ACTN4: variants seen among roughly 807,000 people sequenced by gnomAD.
ACTN4 encodes alpha-actinin-4.
ACTN4 carries 18 observed loss-of-function variants against 114.2 expected under a neutral mutation model. The observed-to-expected ratio is 0.16, with a 90% CI of 0.11 to 0.23. ACTN4 has a LOEUF of 0.23. Among genes scored for constraint, ACTN4 ranks in the 10% least tolerant of loss-of-function variants. The pLI is 1.00. For synonymous variants in ACTN4, 515 were observed against 506.3 expected, an observed-to-expected ratio of 1.02 and a Z score of -0.23; for missense variants, 722 against 1,262.9, an observed-to-expected ratio of 0.57 and a Z score of 6.49.
Position 38,730,746 on chromosome 19 carries a change from G to T in ACTN4, c.*1314G>T. On this transcript the variant is annotated 3_prime_UTR_variant, in exon 21 of 21. Transcript: ENST00000252699. ...CAGTGAGGGCCAGAGACTAGCCCCAGACAGGTGGATGCCAGAGAGAGTGGC... is the reference window on the plus strand; with the variant it reads ...CAGTGAGGGCCAGAGACTAGCCCCATACAGGTGGATGCCAGAGAGAGTGGC... The T allele has an allele frequency of 7.1e-7, 1 of 1,404,396 alleles. No individual in the cohort carries two copies. The highest frequency in any genetic ancestry group is 9.8e-7 in the Non-Finnish European group (1 of 1,021,912). The allele number at this position is 1,404,396 out of a possible 1,614,324, so 87.0% of individuals were successfully genotyped here. A position where few individuals can be genotyped will look rare whatever the true frequency, so the allele number is the denominator to read the frequency against.
intron 1 of ACTN4, among the ~76,000 whole-genome samples, chr19:38,671,244 A>G (rs781416098): frequency 2.0e-5 from 3 of 152,200 alleles, no homozygotes; most frequent in Non-Finnish European, 4.4e-5. Flanking sequence ...TTGACTCCTC[A>G]AAATTCCTCC....
chr19:38,727,783 G>A lies in ACTN4; in HGVS notation c.2338-163G>A, dbSNP rs578126083. 143 of 683,842 alleles carry A rather than the reference G, an allele frequency of 2.1e-4. 1 individual carries two copies. The highest frequency in any genetic ancestry group is 1.4e-3 in the South Asian group (79 of 56,698). 42.4% of individuals were successfully genotyped at this position (683,842 alleles called of 1,614,324 possible). ...GATGAAAGGGGCCCGTGCCGCCCCC[G>A]ACCCCACGTGTCCCTGGCCATCTCC... On this transcript the variant is annotated intron_variant, in intron 18 of 20. Coordinates refer to ENST00000252699, the MANE Select transcript of ACTN4 (RefSeq NM_004924.6). The surrounding 1 kb of genome is among the most constrained non-coding windows in gnomAD (Gnocchi z 5.4).
chr19:38,719,373 G>A (rs73038932), intron 11 of ACTN4, among the ~76,000 whole-genome samples: 22,776 of 152,270 alleles, frequency 0.15, 2,015 homozygotes, highest in Middle Eastern at 0.36. Context: ...GCATGCGAGT[G>A]TGCAGCTCCA....
intron 6 of ACTN4, among the ~76,000 whole-genome samples, chr19:38,708,474 C>T (rs767568603): frequency 2.6e-5 from 4 of 152,230 alleles, no homozygotes; most frequent in Admixed American, 6.5e-5. Context: ...TGCTTTATAA[C>T]TCCCCTTCCT....
chr19:38,727,634 C>CA lies in ACTN4; in HGVS notation c.2338-312_2338-311insA, dbSNP rs1568750465. On this transcript the variant is annotated intron_variant, in intron 18 of 20. Coordinates refer to ENST00000252699, the MANE Select transcript of ACTN4 (RefSeq NM_004924.6). This position sits in a 1 kb window ranked among gnomAD's most constrained non-coding sequence, Gnocchi z 5.4. Reference sequence around the variant, plus strand: ...ATCCCAAAGGCAAGGAGAACCCCCCCCCCGACCCTCCACCAGTCCTGGGAC... The same window carrying CA: ...ATCCCAAAGGCAAGGAGAACCCCCCCACCCGACCCTCCACCAGTCCTGGGAC... Among the ~76,000 whole-genome samples the CA allele has an allele frequency of 7.1e-6, 1 of 140,134 alleles. No individual in the cohort carries two copies. 91.9% of individuals were successfully genotyped at this position (140,134 alleles called of 152,430 possible).
chr19:38,711,340 C>T (rs748125559), intron 8 of ACTN4: 14 of 1,042,944 alleles, frequency 1.3e-5, no homozygotes, highest in African/African-American at 1.7e-5. Context: ...GCTTCTACCA[C>T]GCTTTCTCGG....
chr19:38,665,826 G>A (rs749242342), intron 1 of ACTN4, among the ~76,000 whole-genome samples: 2 of 152,080 alleles, frequency 1.3e-5, no homozygotes, highest in African/African-American at 2.4e-5. Context: ...GCTATCAGCC[G>A]GGGGGCTCTT....
At chr19:38,708,241 C>G in intron 6 of ACTN4, 46 bp downstream of exon 6, 1 of 1,599,606 alleles carries the variant, frequency 6.3e-7, no homozygotes, top group Non-Finnish European at 8.6e-7. Context: ...CGTGCCCTGT[C>G]TGACCCCCTA....
chr19:38,677,160 G>T (rs1344476573), intron 1 of ACTN4, among the ~76,000 whole-genome samples: 2 of 151,890 alleles, frequency 1.3e-5, no homozygotes, highest in African/African-American at 2.4e-5. Context: ...TAGGGCCGTC[G>T]CACCTGACAC....
chr19:38,720,796 C>T (rs1330593711), intron 11 of ACTN4, among the ~76,000 whole-genome samples: 6 of 152,242 alleles, frequency 3.9e-5, no homozygotes, highest in Non-Finnish European at 8.8e-5. Flanking sequence ...ATCTCCGCTA[C>T]CACTTGGGGG....
chr19:38,648,013 GGGGTCCCGAGAAGGAATTGGC>G, intron 1 of ACTN4, 106 bp downstream of exon 1: 2 of 1,293,040 alleles, frequency 1.5e-6, no homozygotes, highest in Non-Finnish European at 2.0e-6. Flanking sequence ...TGGGAACGGG[GGGGTCCCGAGAAGGAATTGGC>G]GGGTCCGGGA....
chr19:38,672,487 C>T (rs572913046), intron 1 of ACTN4, among the ~76,000 whole-genome samples: 8 of 150,208 alleles, frequency 5.3e-5, no homozygotes, highest in East Asian at 2.0e-4. Context: ...GTGACCCACT[C>T]GCCTTGGCTT....
chr19:38,730,685 G>C lies in ACTN4; in HGVS notation c.*1253G>C. The C allele has an allele frequency of 1.4e-6, 1 of 731,200 alleles. No individual in the cohort carries two copies. Among genetic ancestry groups the C allele is most frequent in the Admixed American group, 2.4e-5 (1 of 42,118 alleles). The allele number at this position is 731,200 out of a possible 1,614,324, so 45.3% of individuals were successfully genotyped here. A position where few individuals can be genotyped will look rare whatever the true frequency, so the allele number is the denominator to read the frequency against. ...TGTCGCTGTTCTTGTTTCTGAGTGA[G>C]GAGTACGCAGGCCAGAGTGGTCACC... is the stretch of plus-strand genomic sequence containing the variant. On this transcript the variant is annotated 3_prime_UTR_variant, in exon 21 of 21. Transcript: ENST00000252699.
At chr19:38,657,216 C>T (rs1294128705) in intron 1 of ACTN4, among the ~76,000 whole-genome samples, 1 of 151,972 alleles carries the variant, frequency 6.6e-6, no homozygotes, top group African/African-American at 2.4e-5. Flanking sequence ...GATCTCAGCT[C>T]ACTGCAACCT....
rs187173940 is a variant in ACTN4 at position 38,714,911 on chromosome 19, T to G, written c.912+350T>G. Among the ~76,000 whole-genome samples the G allele has an allele frequency of 2.6e-3, 401 of 152,292 alleles. 1 individual carries two copies. Among genetic ancestry groups the G allele is most frequent in the South Asian group, 0.012 (60 of 4,828 alleles). On this transcript the variant is annotated intron_variant, in intron 9 of 20. Coordinates refer to ENST00000252699, the MANE Select transcript of ACTN4 (RefSeq NM_004924.6). Reference sequence around the variant, plus strand: ...CGTGCCCTGGCCCTGGAGAGAGTGATTCAGAAGGATGGAGAGGGGCCTGGG... The same window carrying G: ...CGTGCCCTGGCCCTGGAGAGAGTGAGTCAGAAGGATGGAGAGGGGCCTGGG...
chr19:38,651,657 T>C (rs1036382862), intron 1 of ACTN4, among the ~76,000 whole-genome samples: 3 of 152,222 alleles, frequency 2.0e-5, no homozygotes, highest in Non-Finnish European at 2.9e-5. Context: ...TTTGCTCTTG[T>C]TGCCCATGTG....
chr19:38,673,601 ATATATTCATT>A (rs1264009400), intron 1 of ACTN4, among the ~76,000 whole-genome samples: 1 of 105,106 alleles, frequency 9.5e-6, no homozygotes, highest in African/African-American at 3.5e-5. Context: ...ATATATTCAT[ATATATTCATT>A]TATATTTATA....
In ACTN4 at chr19:38,653,413, TA is replaced by T. The variant is rs764884569; in HGVS notation, c.162+5522del. 6.8e-3 allele frequency among the ~76,000 whole-genome samples: 960 copies of T among 140,178 alleles called. 1 individual carries two copies. Among genetic ancestry groups the T allele is most frequent in the Admixed American group, 6.6e-3 (92 of 14,000 alleles). The allele number at this position is 140,178 out of a possible 152,430, so 92.0% of individuals were successfully genotyped here. On this transcript the variant is annotated intron_variant, in intron 1 of 20. Transcript: ENST00000252699. ...TTGACCAGACCTTAGGGTTGTTCTT[TA>T]AAAAAAAAAAAAAAAGATTCCCTTG... is the stretch of plus-strand genomic sequence containing the variant.
intron 1 of ACTN4, among the ~76,000 whole-genome samples, chr19:38,652,863 A>G (rs1302593562): frequency 6.6e-6 from 1 of 152,144 alleles, no homozygotes; most frequent in Non-Finnish European, 1.5e-5. Context: ...AGGTGGGCAG[A>G]TCACCTGAGG....
Sources: gnomAD v4.1 joint callset for allele counts (sites outside exome capture counted in the v4.1 genomes callset) on GRCh38, gnomAD v4.1.1 for gene constraint, Gnocchi (gnomAD v3.1) non-coding constraint, MANE v1.5 for transcripts, NCBI Gene and HGNC (gene_info 2026-07-23, HGNC 2026-07-21) for gene names.